DLGAP4: variants seen among roughly 807,000 people sequenced by gnomAD.
The protein encoded by DLGAP4 is disks large-associated protein 4.
DLGAP4 carries 18 observed loss-of-function variants against 86.9 expected under a neutral mutation model. The observed-to-expected ratio is 0.21, with a 90% CI of 0.14 to 0.31. The LOEUF is 0.31. Ranked by LOEUF, DLGAP4 falls within the 10% of genes least tolerant of loss-of-function variation. The pLI is 1.00. For synonymous variants in DLGAP4, 548 were observed against 574.3 expected, an observed-to-expected ratio of 0.95 and a Z score of 0.65; for missense variants, 1,085 against 1,362.6, an observed-to-expected ratio of 0.80 and a Z score of 3.21.
intron 1 of DLGAP4, among the ~76,000 whole-genome samples, chr20:36,336,101 T>A (rs945099502): frequency 5.9e-5 from 9 of 152,158 alleles, no homozygotes; most frequent in African/African-American, 2.2e-4. Flanking sequence ...ACACCTATAG[T>A]GTGTTGCCCT....
chr20:36,323,772 A>C (rs1555890811), intron 1 of DLGAP4, among the ~76,000 whole-genome samples: 2 of 152,202 alleles, frequency 1.3e-5, no homozygotes, highest in African/African-American at 4.8e-5. Flanking sequence ...CATTAGTTAG[A>C]TTCCCATAAG....
chr20:36,528,162 T>TCC lies in DLGAP4; in HGVS notation c.*1136_*1137dup, dbSNP rs1480089778. Reference sequence around the variant, plus strand: ...TTTTTTTTTTTGGTCTCCACCCCCCTCCCCCCGCCCCGCACTCCTAAGGGC... The same window carrying TCC: ...TTTTTTTTTTTGGTCTCCACCCCCCTCCCCCCCCGCCCCGCACTCCTAAGGGC... On this transcript the variant is annotated 3_prime_UTR_variant, in exon 13 of 13. Transcript: ENST00000339266. The TCC allele has an allele frequency of 1.1e-4, 14 of 127,720 alleles. 1 individual carries two copies. Among genetic ancestry groups the TCC allele is most frequent in the African/African-American group, 4.5e-4 (14 of 31,220 alleles). The allele number at this position is 127,720 out of a possible 1,614,324, so 7.9% of individuals were successfully genotyped here.
At chr20:36,351,397 A>G (rs1465151413) in intron 1 of DLGAP4, among the ~76,000 whole-genome samples, 7 of 152,026 alleles carry the variant, frequency 4.6e-5, no homozygotes, top group Non-Finnish European at 1.0e-4. Flanking sequence ...CGATTCTCAT[A>G]GGAGCTCGAA....
At chr20:36,318,104 TCTCACACACACA>T (rs1350238579) in intron 1 of DLGAP4, among the ~76,000 whole-genome samples, 19 of 106,578 alleles carry the variant, frequency 1.8e-4, no homozygotes, top group Admixed American at 5.8e-4. Context: ...AAATGTGTCC[TCTCACACACACA>T]CACACACACA....
rs901628830 is a variant in DLGAP4, at chr20:36,527,636, TCA to T, written c.*607_*608del. 3 of 147,586 alleles carry T rather than the reference TCA, an allele frequency of 2.0e-5. No homozygotes were observed. The highest frequency in any genetic ancestry group is 7.4e-5 in the African/African-American group (3 of 40,790). 9.1% of individuals were successfully genotyped at this position (147,586 alleles called of 1,614,324 possible). A position where few individuals can be genotyped will look rare whatever the true frequency, so the allele number is the denominator to read the frequency against. Reference sequence around the variant, plus strand: ...CCCCGCCAAGTGCTCACACACAACCTCACGCGCACACACACACACGCAGATGG... The same window carrying T: ...CCCCGCCAAGTGCTCACACACAACCTCGCGCACACACACACACGCAGATGG... On this transcript the variant is annotated 3_prime_UTR_variant, in exon 13 of 13. Coordinates refer to ENST00000339266, the MANE Select transcript of DLGAP4 (RefSeq NM_001365621.2).
chr20:36,430,955 TAAAA>T (rs5841234), intron 2 of DLGAP4, among the ~76,000 whole-genome samples: 5 of 119,600 alleles, frequency 4.2e-5, no homozygotes, highest in African/African-American at 6.4e-5. Flanking sequence ...ACTCTGTCTC[TAAAA>T]AAAAAAAAAA....
intron 1 of DLGAP4, among the ~76,000 whole-genome samples, chr20:36,346,221 C>T (rs1014904581): frequency 2.0e-5 from 3 of 152,238 alleles, no homozygotes; most frequent in African/African-American, 7.2e-5. Context: ...CAAGGACTGA[C>T]GGCTGTGGGT....
intron 10 of DLGAP4, among the ~76,000 whole-genome samples, chr20:36,523,824 C>G (rs537727488): frequency 6.6e-6 from 1 of 152,076 alleles, no homozygotes; most frequent in Admixed American, 6.6e-5. Context: ...CCATTATGTC[C>G]GGCTAATTTT....
At chr20:36,339,679 C>G (rs1350100186) in intron 1 of DLGAP4, among the ~76,000 whole-genome samples, 1 of 152,218 alleles carries the variant, frequency 6.6e-6, no homozygotes, top group Non-Finnish European at 1.5e-5. Flanking sequence ...TATTCTGCCC[C>G]CTGAGTAAGG....
At chr20:36,470,804 C>T (rs1049342743) in intron 7 of DLGAP4, among the ~76,000 whole-genome samples, 4 of 152,122 alleles carry the variant, frequency 2.6e-5, no homozygotes, top group Non-Finnish European at 4.4e-5. Context: ...TGGGCACATA[C>T]AGGTTCATGG....
At chr20:36,440,518 C>A (rs2033417345) in intron 5 of DLGAP4, among the ~76,000 whole-genome samples, 1 of 152,172 alleles carries the variant, frequency 6.6e-6, no homozygotes, top group Non-Finnish European at 1.5e-5. Context: ...CCCTCTCAAC[C>A]ATCAGCTCCT....
At chr20:36,462,879 T>C (rs1455327543) in intron 7 of DLGAP4, among the ~76,000 whole-genome samples, 1 of 152,230 alleles carries the variant, frequency 6.6e-6, no homozygotes, top group East Asian at 1.9e-4. Flanking sequence ...TGGCACTTTG[T>C]GATCGCTTGT....
intron 10 of DLGAP4, chr20:36,511,136 A>G (rs904218480): frequency 9.2e-5 from 14 of 152,170 alleles, no homozygotes; most frequent in Non-Finnish European, 1.5e-4. Flanking sequence ...TTATTCAAGA[A>G]TCCTATTATA....
At chr20:36,429,218 A>G (rs961147767) in intron 2 of DLGAP4, among the ~76,000 whole-genome samples, 1 of 151,780 alleles carries the variant, frequency 6.6e-6, no homozygotes, top group Non-Finnish European at 1.5e-5. Context: ...AGCTGGGATT[A>G]TAGGCGCACG....
intron 1 of DLGAP4, among the ~76,000 whole-genome samples, chr20:36,352,086 C>CGGGTGATCCAGGGAA (rs746603594): frequency 1.3e-5 from 2 of 152,104 alleles, no homozygotes; most frequent in Non-Finnish European, 2.9e-5. Context: ...GAGAGAACCC[C>CGGGTGATCCAGGGAA]GGGTGATCCA....
chr20:36,429,840 A>G (rs1462101426), intron 2 of DLGAP4, among the ~76,000 whole-genome samples: 3 of 152,242 alleles, frequency 2.0e-5, no homozygotes, highest in Admixed American at 6.5e-5. Flanking sequence ...TGACAAGGTC[A>G]TGGGCATATT....
At chr20:36,336,207 A>C (rs1450883367) in intron 1 of DLGAP4, among the ~76,000 whole-genome samples, 2 of 152,114 alleles carry the variant, frequency 1.3e-5, no homozygotes, top group African/African-American at 2.4e-5. Context: ...CGACGAGACA[A>C]AGGCCACAGA....
intron 2 of DLGAP4, among the ~76,000 whole-genome samples, chr20:36,405,732 G>A (rs887795762): frequency 1.2e-4 from 19 of 152,076 alleles, no homozygotes; most frequent in Admixed American, 6.5e-5. Flanking sequence ...GAAGGACCTG[G>A]TGCCTGTTAA....
At chr20:36,424,582 G>C (rs145887335) in intron 2 of DLGAP4, among the ~76,000 whole-genome samples, 1 of 152,276 alleles carries the variant, frequency 6.6e-6, no homozygotes, top group East Asian at 1.9e-4. Flanking sequence ...GGTTGTGAGT[G>C]CCTCTGTGCA....
Sources: allele counts gnomAD v4.1 joint callset (sites outside exome capture counted in the v4.1 genomes callset), GRCh38; gene constraint gnomAD v4.1.1; transcripts MANE v1.5; gene names NCBI Gene and HGNC (gene_info 2026-07-23, HGNC 2026-07-21).